SCHIP1: variants seen among roughly 807,000 people sequenced by gnomAD.
SCHIP1 encodes schwannomin-interacting protein 1.
Under a neutral mutation model 29.7 loss-of-function variants are expected in SCHIP1, and 8 were observed. The observed-to-expected ratio is 0.27, with a 90% confidence interval of 0.16 to 0.49. The LOEUF is 0.49. Ranked by LOEUF, SCHIP1 falls within the 20% of genes least tolerant of loss-of-function variation. The pLI is 0.99. For missense variants in SCHIP1, 193 were observed against 294.6 expected (o/e 0.66, Z 2.52); for synonymous variants, 76 against 94.9 (o/e 0.80, Z 1.16).
chr3:159,393,663 A>G, the SCHIP1 span, among the ~76,000 whole-genome samples: 2 of 150,014 alleles, frequency 1.3e-5, no homozygotes, highest in Non-Finnish European at 3.0e-5. Flanking sequence ...GTTCTGTTCC[A>G]TTGATCTATA....
At chr3:159,703,211 C>T in the SCHIP1 span, among the ~76,000 whole-genome samples, 5 of 152,178 alleles carry the variant, frequency 3.3e-5, no homozygotes, top group Middle Eastern at 3.2e-3. Flanking sequence ...TCAAGAACTT[C>T]ATTTGCAGTA....
chr3:159,895,358 C>G (rs562314595), intron 6 of SCHIP1, among the ~76,000 whole-genome samples: 1 of 152,178 alleles, frequency 6.6e-6, no homozygotes, highest in African/African-American at 2.4e-5. Flanking sequence ...CTGCATAAAA[C>G]CAGTGAGTTC....
the SCHIP1 span, among the ~76,000 whole-genome samples, chr3:159,530,177 G>C: frequency 4.6e-5 from 7 of 152,216 alleles, no homozygotes; most frequent in African/African-American, 1.7e-4. Flanking sequence ...CCTCCATACT[G>C]TTTTCCATAG....
chr3:159,821,175 G>A, the SCHIP1 span, among the ~76,000 whole-genome samples: 7 of 152,174 alleles, frequency 4.6e-5, no homozygotes, highest in African/African-American at 1.7e-4. Flanking sequence ...CATAGATCTA[G>A]TTGAGGAAGA....
At chr3:159,418,369 G>A in the SCHIP1 span, among the ~76,000 whole-genome samples, 2,650 of 152,204 alleles carry the variant, frequency 0.017, 83 homozygotes, top group African/African-American at 0.062. Context: ...CATTTCTAGA[G>A]GTAGAAATGC....
the SCHIP1 span, among the ~76,000 whole-genome samples, chr3:159,578,170 G>T: frequency 8.1e-3 from 1,226 of 152,142 alleles, 11 homozygotes; most frequent in African/African-American, 0.028. Flanking sequence ...AAAAGACTCA[G>T]GCAAAATGGG....
the SCHIP1 span, among the ~76,000 whole-genome samples, chr3:159,420,500 T>G: frequency 2.0e-5 from 3 of 152,224 alleles, no homozygotes; most frequent in African/African-American, 4.8e-5. Flanking sequence ...AAAGTCACCT[T>G]GGATGTCCCT....
At chr3:159,664,088 G>A in the SCHIP1 span, among the ~76,000 whole-genome samples, 1 of 152,174 alleles carries the variant, frequency 6.6e-6, no homozygotes, top group African/African-American at 2.4e-5. Flanking sequence ...TTTAATGGAA[G>A]CAATGGAAGC....
the SCHIP1 span, among the ~76,000 whole-genome samples, chr3:159,694,605 A>AAAGG: frequency 2.2e-3 from 300 of 137,212 alleles, 1 homozygote; most frequent in African/African-American, 5.3e-3. Flanking sequence ...AGAAAGAAAG[A>AAAGG]AAGGAATTAT....
the SCHIP1 span, among the ~76,000 whole-genome samples, chr3:159,619,641 G>T: frequency 2.4e-4 from 36 of 152,314 alleles, no homozygotes; most frequent in African/African-American, 5.8e-4. Flanking sequence ...TATTTGCCAA[G>T]AATTTATTGG....
chr3:159,810,005 C>T, the SCHIP1 span, among the ~76,000 whole-genome samples: 6 of 152,198 alleles, frequency 3.9e-5, no homozygotes, highest in East Asian at 7.7e-4. Flanking sequence ...AAAAAATAAA[C>T]CAAAGGGATA....
the SCHIP1 span, among the ~76,000 whole-genome samples, chr3:159,279,045 C>T: frequency 6.6e-6 from 1 of 152,132 alleles, no homozygotes; most frequent in African/African-American, 2.4e-5. Context: ...AGGCACACAT[C>T]ACTCAACTCA....
At chr3:159,805,808 C>CTTT in the SCHIP1 span, among the ~76,000 whole-genome samples, 4 of 139,184 alleles carry the variant, frequency 2.9e-5, no homozygotes, top group African/African-American at 1.1e-4. Flanking sequence ...AATTGTACTC[C>CTTT]TTTTTTTTTT....
chr3:159,456,130 C>T, the SCHIP1 span, among the ~76,000 whole-genome samples: 1 of 152,174 alleles, frequency 6.6e-6, no homozygotes, highest in South Asian at 2.1e-4. Context: ...TGACTGATCA[C>T]ATTCCCTGAG....
chr3:159,841,839 G>A (rs937947625), intron 1 of SCHIP1, among the ~76,000 whole-genome samples: 3 of 152,200 alleles, frequency 2.0e-5, no homozygotes, highest in Non-Finnish European at 4.4e-5. Flanking sequence ...AAAATTAAGT[G>A]TATTGGTTGG....
the SCHIP1 span, among the ~76,000 whole-genome samples, chr3:159,604,445 G>A: frequency 1.3e-3 from 193 of 152,234 alleles, no homozygotes; most frequent in African/African-American, 4.4e-3. Flanking sequence ...AGCATGATAC[G>A]GGTGACCACA....
chr3:159,343,638 A>G, the SCHIP1 span, among the ~76,000 whole-genome samples: 1 of 152,242 alleles, frequency 6.6e-6, no homozygotes, highest in South Asian at 2.1e-4. Context: ...ACCAAAGGAA[A>G]TCACAGGACC....
At chr3:159,430,503 T>C in the SCHIP1 span, among the ~76,000 whole-genome samples, 1 of 152,150 alleles carries the variant, frequency 6.6e-6, no homozygotes, top group Non-Finnish European at 1.5e-5. Context: ...TCCCAGAACT[T>C]TTTTGTGCAT....
At chr3:159,467,234 T>C in the SCHIP1 span, among the ~76,000 whole-genome samples, 1 of 152,152 alleles carries the variant, frequency 6.6e-6, no homozygotes, top group South Asian at 2.1e-4. Context: ...ATATCACATT[T>C]GATTGCATAT....
Sources: allele counts gnomAD v4.1 joint callset (sites outside exome capture counted in the v4.1 genomes callset), GRCh38; gene constraint gnomAD v4.1.1; transcripts MANE v1.5; gene names NCBI Gene and HGNC (gene_info 2026-07-23, HGNC 2026-07-21).